Variants in ACVR2A observed in about 807,000 individuals in gnomAD.
ACVR2A encodes the protein activin receptor type-2A.
Under a neutral mutation model 61.4 loss-of-function variants are expected in ACVR2A, and 7 were observed. That is an observed-to-expected ratio of 0.11 (90% CI 0.06 to 0.21). The LOEUF is 0.21. ACVR2A is among the 10% of genes least tolerant of loss of function. The pLI is 1.00. For synonymous variants in ACVR2A, 193 were observed against 208.3 expected (o/e 0.93, Z 0.63); for missense variants, 322 against 621.7 (o/e 0.52, Z 5.13).
intron 7 of ACVR2A, among the ~76,000 whole-genome samples, chr2:147,919,119 A>G (rs1687321153): frequency 6.6e-6 from 1 of 152,164 alleles, no homozygotes; most frequent in South Asian, 2.1e-4. Context: ...TCAGTTTGCC[A>G]TGTATTTAAT....
At chr2:147,906,103 T>C (rs1686983599) in intron 4 of ACVR2A, among the ~76,000 whole-genome samples, 1 of 152,072 alleles carries the variant, frequency 6.6e-6, no homozygotes, top group Non-Finnish European at 1.5e-5. Context: ...AGTGAGTTTG[T>C]TTTTTTCCTG....
intron 10 of ACVR2A, among the ~76,000 whole-genome samples, chr2:147,926,640 AT>A (rs1687506412): frequency 6.6e-6 from 1 of 151,958 alleles, no homozygotes; most frequent in African/African-American, 2.4e-5. Flanking sequence ...TGCCCTGGTT[AT>A]TTCAGTCTAA....
intron 1 of ACVR2A, among the ~76,000 whole-genome samples, chr2:147,847,665 C>G (rs528454055): frequency 6.6e-6 from 1 of 152,214 alleles, no homozygotes; most frequent in South Asian, 2.1e-4. Flanking sequence ...AGGATATGGC[C>G]AAGTGTATAA....
At chr2:147,908,915 A>G (rs1687053057) in intron 4 of ACVR2A, among the ~76,000 whole-genome samples, 1 of 152,196 alleles carries the variant, frequency 6.6e-6, no homozygotes, top group Non-Finnish European at 1.5e-5. Flanking sequence ...CACATATCAT[A>G]TATACATATT....
At chr2:147,904,093 G>T (rs1265527491) in intron 4 of ACVR2A, among the ~76,000 whole-genome samples, 1 of 151,978 alleles carries the variant, frequency 6.6e-6, no homozygotes, top group African/African-American at 2.4e-5. Context: ...ACATTATTCA[G>T]TTCTTTCTGT....
chr2:147,926,010 T>G lies in ACVR2A; in HGVS notation c.1217-21T>G, dbSNP rs559972503. 1.9e-6 allele frequency: 3 copies of G among 1,591,120 alleles called. No homozygotes were observed. The South Asian group carries it at 3.5e-5, about 18-fold the overall frequency. On this transcript the variant is annotated intron_variant, in intron 9 of 10. Transcript: ENST00000241416. ...GAGGATTTTAATGAAAATGATTTATTTTACTTTTCTTACTTTTCAGGACCT... is the reference window on the plus strand; with the variant it reads ...GAGGATTTTAATGAAAATGATTTATGTTACTTTTCTTACTTTTCAGGACCT...
At chr2:147,878,212 G>T (rs897388331) in intron 1 of ACVR2A, among the ~76,000 whole-genome samples, 12 of 152,100 alleles carry the variant, frequency 7.9e-5, no homozygotes, top group African/African-American at 2.9e-4. Flanking sequence ...AATTAAGCTG[G>T]ATTTGGAGGA....
chr2:147,917,212 G>A, intron 5 of ACVR2A, 71 bp from the exon 6 acceptor site: 1 of 1,421,580 alleles, frequency 7.0e-7, no homozygotes, highest in Non-Finnish European at 9.4e-7. Context: ...ACTTATTTGA[G>A]TAATCTCTTA....
intron 4 of ACVR2A, among the ~76,000 whole-genome samples, chr2:147,902,045 G>T (rs914465639): frequency 6.6e-6 from 1 of 151,832 alleles, no homozygotes; most frequent in Non-Finnish European, 1.5e-5. Flanking sequence ...TATACATAAA[G>T]ATATAAATTA....
At position 147,879,048 on chromosome 2, in the gene ACVR2A, T is replaced by G. The variant is rs73020017; in HGVS notation, c.56-17253T>G. On this transcript the variant is annotated intron_variant, in intron 1 of 10. Coordinates refer to ENST00000241416, the MANE Select transcript of ACVR2A (RefSeq NM_001616.5). ...GAGTAGACCATATGGTAAATGTATG[T>G]TTTTCAAACTTACTAAATGCAATCA... Among the ~76,000 whole-genome samples, 373 of 152,326 alleles carry G rather than the reference T, an allele frequency of 2.4e-3. 1 individual carries two copies. The highest frequency in any genetic ancestry group is 8.4e-3 in the African/African-American group (348 of 41,582).
upstream of ACVR2A, chr2:147,844,581 G>GGCCGCCGCCTGCACC (rs1685248911): frequency 1.3e-5 from 2 of 150,642 alleles, no homozygotes; most frequent in Non-Finnish European, 2.9e-5. Flanking sequence ...ACCAGAACTT[G>GGCCGCCGCCTGCACC]GCCGCCGCCT....
At chr2:147,878,242 G>A (rs1313195937) in intron 1 of ACVR2A, among the ~76,000 whole-genome samples, 19 of 151,986 alleles carry the variant, frequency 1.3e-4, no homozygotes, top group Admixed American at 9.8e-4. Flanking sequence ...AATTGTAAAC[G>A]TGAAAGATTT....
upstream of ACVR2A, chr2:147,845,000 GTTTTTTTTTTTTTTTTT>G (rs368783685): frequency 4.3e-4 from 47 of 109,436 alleles, 1 homozygote; most frequent in African/African-American, 8.4e-3. Flanking sequence ...CCCAGTGAGC[GTTTTTTTTTTTTTTTTT>G]TTTTTTTTTT....
At chr2:147,907,761 C>T (rs747232990) in intron 4 of ACVR2A, among the ~76,000 whole-genome samples, 12 of 152,110 alleles carry the variant, frequency 7.9e-5, no homozygotes, top group Non-Finnish European at 1.8e-4. Flanking sequence ...TGTGGTGGCT[C>T]AGACCTGTAA....
At chr2:147,896,575 G>A in intron 2 of ACVR2A, 67 bp downstream of exon 2, 1 of 1,484,994 alleles carries the variant, frequency 6.7e-7, no homozygotes, top group Non-Finnish European at 9.3e-7. Context: ...TTTTTGAAAG[G>A]GGAAAGATCA....
At chr2:147,888,035 C>A (rs553865150) in intron 1 of ACVR2A, among the ~76,000 whole-genome samples, 3 of 152,260 alleles carry the variant, frequency 2.0e-5, no homozygotes, top group Admixed American at 1.3e-4. Context: ...TTTGCCTGAA[C>A]CATGTCTGAT....
At chr2:147,916,016 G>A (rs952844129) in intron 5 of ACVR2A, among the ~76,000 whole-genome samples, 1 of 151,818 alleles carries the variant, frequency 6.6e-6, no homozygotes, top group African/African-American at 2.4e-5. Context: ...TGACGTCTTG[G>A]CTGGATTTGG....
chr2:147,917,500 CAG>C, intron 6 of ACVR2A, 74 bp downstream of exon 6: 3 of 1,491,244 alleles, frequency 2.0e-6, no homozygotes, highest in South Asian at 1.3e-5. Context: ...ATAAATCCCT[CAG>C]AGTTATTTTT....
chr2:147,885,942 A>T (rs1000782144), intron 1 of ACVR2A, among the ~76,000 whole-genome samples: 7 of 152,098 alleles, frequency 4.6e-5, no homozygotes, highest in African/African-American at 1.4e-4. Context: ...CTTTGTGTTG[A>T]GATTTGCCTG....
Sources: allele counts gnomAD v4.1 joint callset (sites outside exome capture counted in the v4.1 genomes callset), GRCh38; gene constraint gnomAD v4.1.1; transcripts MANE v1.5; gene names NCBI Gene and HGNC (gene_info 2026-07-23, HGNC 2026-07-21).